RASEF: variants seen among roughly 807,000 people sequenced by gnomAD.
RASEF encodes ras and EF-hand domain-containing protein.
A neutral mutation model predicts 90.1 loss-of-function variants in RASEF; 68 were observed. The ratio of observed to expected loss-of-function variants is 0.75; its 90% confidence interval spans 0.62 to 0.92. The LOEUF (loss-of-function observed/expected upper bound fraction) is 0.92. RASEF is among the 40% of genes least tolerant of loss of function. RASEF has a pLI of 0.00. For missense variants in RASEF, 949 were observed against 937.2 expected, an observed-to-expected ratio of 1.01 and a Z score of -0.16; for synonymous variants, 331 against 345.2, an observed-to-expected ratio of 0.96 and a Z score of 0.46.
the RASEF span, among the ~76,000 whole-genome samples, chr9:83,162,096 C>T: frequency 6.6e-6 from 1 of 151,848 alleles, no homozygotes; most frequent in Non-Finnish European, 1.5e-5. Context: ...AATTTTAATA[C>T]AGAAAAAAAA....
the RASEF span, among the ~76,000 whole-genome samples, chr9:83,088,516 A>G: frequency 6.6e-6 from 1 of 152,036 alleles, no homozygotes; most frequent in Non-Finnish European, 1.5e-5. Context: ...ATAGTGAGGT[A>G]TTGAAGTCTC....
At chr9:83,059,582 A>C (rs1587530366) in intron 1 of RASEF, among the ~76,000 whole-genome samples, 3 of 152,232 alleles carry the variant, frequency 2.0e-5, no homozygotes, top group African/African-American at 7.2e-5. Flanking sequence ...AGGCTACATT[A>C]TAAGTTGGCT....
the RASEF span, among the ~76,000 whole-genome samples, chr9:83,136,584 T>C: frequency 6.6e-6 from 1 of 152,144 alleles, no homozygotes; most frequent in African/African-American, 2.4e-5. Context: ...CCAATTCTAC[T>C]ACGACCTCAC....
At chr9:83,095,402 T>C in the RASEF span, among the ~76,000 whole-genome samples, 1 of 150,902 alleles carries the variant, frequency 6.6e-6, no homozygotes, top group Admixed American at 6.6e-5. Context: ...AGTGGACTAC[T>C]GAGATTTCAG....
chr9:82,989,132 C>G (rs1399897532), intron 16 of RASEF, among the ~76,000 whole-genome samples: 1 of 152,008 alleles, frequency 6.6e-6, no homozygotes, highest in Non-Finnish European at 1.5e-5. Context: ...ATCCTGTAGC[C>G]CTAGTCCAAA....
At chr9:83,025,469 C>A (rs1211807822) in intron 2 of RASEF, among the ~76,000 whole-genome samples, 1 of 152,250 alleles carries the variant, frequency 6.6e-6, no homozygotes, top group Non-Finnish European at 1.5e-5. Flanking sequence ...GTTCCATCTA[C>A]TTCTCTAGAT....
chr9:83,099,968 C>A, the RASEF span, among the ~76,000 whole-genome samples: 262 of 152,326 alleles, frequency 1.7e-3, no homozygotes, highest in African/African-American at 5.7e-3. Context: ...CAGCATCCAT[C>A]ATCTTATTTA....
chr9:83,094,290 A>T, the RASEF span, among the ~76,000 whole-genome samples: 1 of 150,980 alleles, frequency 6.6e-6, no homozygotes, highest in East Asian at 1.9e-4. Context: ...AATACCCACA[A>T]CATTGTGAAC....
chr9:83,206,520 C>G, the RASEF span, among the ~76,000 whole-genome samples: 1 of 152,198 alleles, frequency 6.6e-6, no homozygotes, highest in East Asian at 1.9e-4. Context: ...TTTTACCTTT[C>G]AGAATAACGA....
intron 7 of RASEF, among the ~76,000 whole-genome samples, chr9:83,007,147 G>C (rs994362579): frequency 6.6e-6 from 1 of 150,528 alleles, no homozygotes; most frequent in African/African-American, 2.4e-5. Context: ...TGAGTGCTCA[G>C]GGCCATTTTT....
At chr9:83,002,249 A>G (rs1829053458) in intron 9 of RASEF, among the ~76,000 whole-genome samples, 1 of 152,202 alleles carries the variant, frequency 6.6e-6, no homozygotes, top group African/African-American at 2.4e-5. Flanking sequence ...AGGTAAGCTT[A>G]ATATAATTAA....
intron 5 of RASEF, among the ~76,000 whole-genome samples, chr9:83,010,455 C>T (rs1465280588): frequency 6.6e-6 from 1 of 152,112 alleles, no homozygotes; most frequent in African/African-American, 2.4e-5. Context: ...CCAAAGGGAA[C>T]AGAGTGGGGA....
At chr9:83,155,954 T>A in the RASEF span, among the ~76,000 whole-genome samples, 7 of 152,252 alleles carry the variant, frequency 4.6e-5, no homozygotes, top group Admixed American at 2.6e-4. Context: ...CAAGTTTCCA[T>A]CCCAGGATCT....
At chr9:83,207,526 G>T in the RASEF span, among the ~76,000 whole-genome samples, 1 of 151,774 alleles carries the variant, frequency 6.6e-6, no homozygotes, top group African/African-American at 2.4e-5. Flanking sequence ...CAAGAGGGTG[G>T]CAACTTGAGG....
At chr9:83,112,967 A>C in the RASEF span, among the ~76,000 whole-genome samples, 2 of 152,208 alleles carry the variant, frequency 1.3e-5, no homozygotes, top group African/African-American at 4.8e-5. Context: ...CTAATTTAAA[A>C]AATTGTTTTT....
At chr9:83,008,124 A>G (rs1357572834) in intron 6 of RASEF, among the ~76,000 whole-genome samples, 1 of 151,906 alleles carries the variant, frequency 6.6e-6, no homozygotes, top group African/African-American at 2.4e-5. Context: ...TTCTTCCCCA[A>G]ACTGCTCAGA....
the RASEF span, among the ~76,000 whole-genome samples, chr9:83,154,038 A>G: frequency 6.6e-6 from 1 of 152,218 alleles, no homozygotes; most frequent in East Asian, 1.9e-4. Flanking sequence ...CTGCTGTGTG[A>G]CCTTTCAGAA....
At position 82,988,300 on chromosome 9, in the gene RASEF, G is replaced by T. The variant is rs142644714; in HGVS notation, c.2117+2091C>A. On this transcript the variant is annotated intron_variant, in intron 16 of 16. Transcript: ENST00000376447. ...GTGCGTGGAATCTGTTATTCAACCC[G>T]ACAGATAAAAGTTTTACTCTGACTC... 3.1e-3 allele frequency among the ~76,000 whole-genome samples: 478 copies of T among 152,172 alleles called. 2 individuals are homozygous for T. The highest frequency in any genetic ancestry group is 9.8e-3 in the African/African-American group (406 of 41,506).
At chr9:83,137,020 A>C in the RASEF span, among the ~76,000 whole-genome samples, 6 of 152,046 alleles carry the variant, frequency 3.9e-5, no homozygotes, top group African/African-American at 9.7e-5. Context: ...GTCAGTTTTT[A>C]TTATAATTGG....
Sources: allele counts gnomAD v4.1 joint callset (sites outside exome capture counted in the v4.1 genomes callset), GRCh38; gene constraint gnomAD v4.1.1; transcripts MANE v1.5; gene names NCBI Gene and HGNC (gene_info 2026-07-23, HGNC 2026-07-21).